ARHGAP10: variants seen among roughly 807,000 people sequenced by gnomAD.
ARHGAP10 encodes rho GTPase-activating protein 10.
Under a neutral mutation model 108.6 loss-of-function variants are expected in ARHGAP10, and 87 were observed. That is an observed-to-expected ratio of 0.80 (90% CI 0.67 to 0.96). The LOEUF (loss-of-function observed/expected upper bound fraction) is 0.96. Ranked by LOEUF, ARHGAP10 falls within the 40% of genes least tolerant of loss-of-function variation. The pLI, the probability that ARHGAP10 is intolerant of heterozygous loss-of-function variation, is 0.00. For synonymous variants in ARHGAP10, 347 were observed against 341.1 expected (o/e 1.02, Z -0.19); for missense variants, 939 against 954.5 (o/e 0.98, Z 0.21).
Position 147,904,633 on chromosome 4 carries a change from G to T in ARHGAP10, c.1035-2005G>T, listed in dbSNP as rs535359966. Reference sequence around the variant, plus strand: ...CCTTTTCTTAATCCAGTCTATCGTTGTTGGACATTTGGGTTGGTTCCAAGT... The same window carrying T: ...CCTTTTCTTAATCCAGTCTATCGTTTTTGGACATTTGGGTTGGTTCCAAGT... On this transcript the variant is annotated intron_variant, in intron 10 of 22. Coordinates refer to ENST00000336498, the MANE Select transcript of ARHGAP10 (RefSeq NM_024605.4). 9.2e-5 allele frequency among the ~76,000 whole-genome samples: 14 copies of T among 152,176 alleles called. No homozygotes were observed. The East Asian group carries it at 1.7e-3, about 19-fold the overall frequency.
intron 10 of ARHGAP10, among the ~76,000 whole-genome samples, chr4:147,895,927 T>C (rs1360193408): frequency 6.6e-6 from 1 of 152,194 alleles, no homozygotes; most frequent in Non-Finnish European, 1.5e-5. Context: ...ATTCCCAGTT[T>C]TAAGCATGAA....
At chr4:147,997,267 T>G (rs546106501) in intron 18 of ARHGAP10, among the ~76,000 whole-genome samples, 1 of 152,296 alleles carries the variant, frequency 6.6e-6, no homozygotes, top group South Asian at 2.1e-4. Context: ...AAATGTAAAC[T>G]GTACATCAAT....
At chr4:147,955,458 C>A in intron 16 of ARHGAP10, 84 bp downstream of exon 16, 2 of 1,173,634 alleles carry the variant, frequency 1.7e-6, no homozygotes, top group Non-Finnish European at 2.5e-6. Flanking sequence ...AAAAATTCAA[C>A]TTGTTATTGC....
intron 18 of ARHGAP10, among the ~76,000 whole-genome samples, chr4:148,017,837 T>A (rs1489791608): frequency 6.6e-6 from 1 of 152,086 alleles, no homozygotes; most frequent in Non-Finnish European, 1.5e-5. Context: ...TCTTATATCC[T>A]GTTATTGGCA....
chr4:148,072,098 C>T lies in ARHGAP10; in HGVS notation c.*17C>T, dbSNP rs199526928. On this transcript the variant is annotated 3_prime_UTR_variant, in exon 23 of 23. Transcript: ENST00000336498. Reference sequence around the variant, plus strand: ...CTGCTGTAGCTCCTGGCCTCAGAGCCCCTGCTGACCCTGGCACCCAGGGAC... The same window carrying T: ...CTGCTGTAGCTCCTGGCCTCAGAGCTCCTGCTGACCCTGGCACCCAGGGAC... 3 of 1,603,900 alleles carry T rather than the reference C, an allele frequency of 1.9e-6. No homozygotes were observed. Among genetic ancestry groups the T allele is most frequent in the Non-Finnish European group, 1.7e-6 (2 of 1,175,642 alleles).
chr4:147,964,876 A>G, intron 16 of ARHGAP10, 148 bp from the exon 17 acceptor site: 1 of 533,736 alleles, frequency 1.9e-6, no homozygotes, highest in South Asian at 6.2e-5. Flanking sequence ...AACGGTGGCA[A>G]AATATGTTTA....
chr4:147,827,160 C>T (rs1007623988), intron 3 of ARHGAP10, among the ~76,000 whole-genome samples: 2 of 150,970 alleles, frequency 1.3e-5, no homozygotes, highest in Admixed American at 1.3e-4. Flanking sequence ...TACTTCTCAT[C>T]TTGATAGTCA....
At position 148,072,139 on chromosome 4, in the gene ARHGAP10, G is replaced by C. The variant is rs1730212401; in HGVS notation, c.*58G>C. On this transcript the variant is annotated 3_prime_UTR_variant, in exon 23 of 23. Transcript: ENST00000336498. ...ACCCAGGGACCTGCCTGGGGGCAGAGAGCTGTCTTCCTCCTCCGAGGCTCT... is the reference window on the plus strand; with the variant it reads ...ACCCAGGGACCTGCCTGGGGGCAGACAGCTGTCTTCCTCCTCCGAGGCTCT... 3.3e-6 allele frequency: 5 copies of C among 1,506,586 alleles called. No homozygotes were observed. In the East Asian group the frequency reaches 1.1e-4, roughly 34 times the overall value. 93.3% of individuals were successfully genotyped at this position (1,506,586 alleles called of 1,614,324 possible). A position where few individuals can be genotyped will look rare whatever the true frequency, so the allele number is the denominator to read the frequency against.
chr4:148,039,368 A>ATTTTTTTTTTTTTTTTTTTTTTT (rs34876546), intron 19 of ARHGAP10, among the ~76,000 whole-genome samples: 9 of 73,088 alleles, frequency 1.2e-4, no homozygotes, highest in African/African-American at 2.8e-4. Context: ...TACTACTTCA[A>ATTTTTTTTTTTTTTTTTTTTTTT]TTTTTTTTTT....
intron 20 of ARHGAP10, among the ~76,000 whole-genome samples, chr4:148,050,460 G>C (rs187296681): frequency 4.3e-5 from 6 of 139,282 alleles, no homozygotes; most frequent in African/African-American, 1.3e-4. Context: ...TGCAAGCTCC[G>C]CCTCCTGGGT....
intron 12 of ARHGAP10, 136 bp from the exon 13 acceptor site, chr4:147,912,938 G>A: frequency 1.3e-6 from 1 of 788,572 alleles, no homozygotes; most frequent in Non-Finnish European, 2.1e-6. Flanking sequence ...GTGAGCCAAT[G>A]TGCCTATCTG....
At chr4:148,042,479 C>T (rs933985644) in intron 19 of ARHGAP10, among the ~76,000 whole-genome samples, 2 of 152,180 alleles carry the variant, frequency 1.3e-5, no homozygotes, top group Non-Finnish European at 2.9e-5. Flanking sequence ...TGGCCACATG[C>T]TCTCCTGTTT....
At chr4:147,907,168 A>G (rs1001375222) in intron 11 of ARHGAP10, among the ~76,000 whole-genome samples, 5 of 152,196 alleles carry the variant, frequency 3.3e-5, no homozygotes, top group Admixed American at 6.5e-5. Flanking sequence ...AGTTTACAGT[A>G]TGCAGTATTA....
chr4:147,839,036 T>C (rs1049510759), intron 3 of ARHGAP10, among the ~76,000 whole-genome samples: 2 of 152,020 alleles, frequency 1.3e-5, no homozygotes, highest in Admixed American at 6.6e-5. Flanking sequence ...AGGCAAGTTC[T>C]TTTTTTTCCT....
rs757246385 is a variant in ARHGAP10 at position 147,839,134 on chromosome 4, ATCTATCTATCTG to A, written c.313-8013_313-8002del. Reference sequence around the variant, plus strand: ...TATCTATCTATCTATCTATCTATCTATCTATCTATCTGTCTGTCTGTCTATGTATATATAAAG... The same window carrying A: ...TATCTATCTATCTATCTATCTATCTATCTGTCTGTCTATGTATATATAAAG... On this transcript the variant is annotated intron_variant, in intron 3 of 22. Coordinates refer to ENST00000336498, the MANE Select transcript of ARHGAP10 (RefSeq NM_024605.4). Among the ~76,000 whole-genome samples, 577 of 144,016 alleles carry A rather than the reference ATCTATCTATCTG, an allele frequency of 4.0e-3. 2 individuals carry two copies. The highest frequency in any genetic ancestry group is 6.0e-3 in the Non-Finnish European group (391 of 65,534). The allele number at this position is 144,016 out of a possible 152,430, so 94.5% of individuals were successfully genotyped here.
At chr4:147,735,923 A>T (rs182676454) in intron 1 of ARHGAP10, among the ~76,000 whole-genome samples, 13 of 152,314 alleles carry the variant, frequency 8.5e-5, no homozygotes, top group Admixed American at 8.5e-4. Context: ...GTTGCTTATG[A>T]TTCATACAGG....
intron 20 of ARHGAP10, among the ~76,000 whole-genome samples, chr4:148,061,453 G>T (rs989427720): frequency 6.6e-6 from 1 of 151,198 alleles, no homozygotes; most frequent in Non-Finnish European, 1.5e-5. Context: ...AACATTCAGC[G>T]TTCCTTTTCT....
At chr4:147,788,641 G>A (rs983848763) in intron 1 of ARHGAP10, among the ~76,000 whole-genome samples, 2 of 152,084 alleles carry the variant, frequency 1.3e-5, no homozygotes, top group Non-Finnish European at 1.5e-5. Context: ...ACACATTTGC[G>A]GTATTTGGTG....
rs1730208304 is a variant in ARHGAP10 at position 148,072,084 on chromosome 4, C to T, written c.*3C>T. On this transcript the variant is annotated 3_prime_UTR_variant, in exon 23 of 23. Coordinates refer to ENST00000336498, the MANE Select transcript of ARHGAP10 (RefSeq NM_024605.4). ...AGAACTACGTCAAGCTGCTGTAGCT[C>T]CTGGCCTCAGAGCCCCTGCTGACCC... 2 of 1,610,698 alleles carry T rather than the reference C, an allele frequency of 1.2e-6. No homozygotes were observed. Among genetic ancestry groups the T allele is most frequent in the Non-Finnish European group, 8.5e-7 (1 of 1,178,852 alleles).
Sources: allele counts gnomAD v4.1 joint callset (sites outside exome capture counted in the v4.1 genomes callset), GRCh38; gene constraint gnomAD v4.1.1; transcripts MANE v1.5; gene names NCBI Gene and HGNC (gene_info 2026-07-23, HGNC 2026-07-21).